The following NUP54 variants were observed in gnomAD, a reference collection of about 807,000 sequenced individuals.
NUP54 encodes nucleoporin p54.
Under a neutral mutation model 66.4 loss-of-function variants are expected in NUP54, and 27 were observed. That is an observed-to-expected ratio of 0.41 (90% CI 0.30 to 0.56). NUP54 has a LOEUF of 0.56. NUP54 is among the 20% of genes least tolerant of loss of function. The pLI is 0.34. For missense variants in NUP54, 486 were observed against 596.3 expected, an observed-to-expected ratio of 0.82 and a Z score of 1.93; for synonymous variants, 206 against 210.7, an observed-to-expected ratio of 0.98 and a Z score of 0.19.
chr4:76,139,750 C>T (rs58695482), intron 3 of NUP54, among the ~76,000 whole-genome samples: 21,232 of 152,022 alleles, frequency 0.14, 1,649 homozygotes, highest in East Asian at 0.35. Context: ...TGAAATGACA[C>T]GCTTGGGATT....
chr4:76,141,519 A>G (rs1250670546), intron 3 of NUP54, among the ~76,000 whole-genome samples: 1 of 152,164 alleles, frequency 6.6e-6, no homozygotes, highest in East Asian at 1.9e-4. Context: ...CAGAAGCCCA[A>G]GATACCTTTA....
Position 76,118,084 on chromosome 4 carries a change from A to G in NUP54, c.1275T>C (p.Thr425=), listed in dbSNP as rs1730034442. The G allele has an allele frequency of 4.3e-6, 7 of 1,614,098 alleles. No homozygotes were observed. Among genetic ancestry groups the G allele is most frequent in the Non-Finnish European group, 5.9e-6 (7 of 1,179,964 alleles). ...DTIQGELNAP[T]QFKGRLNELM... ...TCTTAGAAGTGGTTACCTTGAACTG[A>G]GTAGGTGCATTTAGTTCACCCTGAA... Residue 425 remains threonine (T), a synonymous_variant, in exon 10 of 12, where the codon ACT becomes ACC. Coordinates refer to ENST00000264883, the MANE Select transcript of NUP54 (RefSeq NM_017426.4).
At position 76,124,016 on chromosome 4, in the gene NUP54, T is replaced by C. The variant is rs187180139; in HGVS notation, c.1164+633A>G. Among the ~76,000 whole-genome samples the C allele has an allele frequency of 3.0e-3, 454 of 152,306 alleles. 3 individuals carry two copies. Among genetic ancestry groups the C allele is most frequent in the African/African-American group, 0.01 (424 of 41,574 alleles). ...TAGTCTTTCACTAATTTCACATTTA[T>C]CTTTCTTTCTTTTTAGTTTCTTTTG... is the stretch of plus-strand genomic sequence containing the variant. On this transcript the variant is annotated intron_variant, in intron 9 of 11. Coordinates refer to ENST00000264883, the MANE Select transcript of NUP54 (RefSeq NM_017426.4).
chr4:76,131,885 G>A (rs975889821), intron 6 of NUP54, among the ~76,000 whole-genome samples: 4 of 152,054 alleles, frequency 2.6e-5, no homozygotes, highest in African/African-American at 9.7e-5. Flanking sequence ...ACAACTTAGA[G>A]GTGTTAAGTA....
At chr4:76,134,470 C>G (rs375409817) in intron 4 of NUP54, 108 bp from the exon 5 acceptor site, 5 of 891,004 alleles carry the variant, frequency 5.6e-6, no homozygotes, top group Middle Eastern at 3.3e-4. Flanking sequence ...AACTTAATGT[C>G]TGGTAATTAA....
chr4:76,124,924 C>A (rs559239732), intron 8 of NUP54, among the ~76,000 whole-genome samples, 168 bp from the exon 9 acceptor site: 1 of 152,136 alleles, frequency 6.6e-6, no homozygotes, highest in South Asian at 2.1e-4. Context: ...TTTTTACATA[C>A]CTAAAATTTT....
At chr4:76,125,556 G>A (rs1048311888) in intron 8 of NUP54, among the ~76,000 whole-genome samples, 3 of 141,408 alleles carry the variant, frequency 2.1e-5, no homozygotes, top group South Asian at 2.3e-4. Context: ...GATCACTTGA[G>A]CCCAGGAGTT....
intron 5 of NUP54, 141 bp from the exon 6 acceptor site, chr4:76,132,860 CTTTTTT>C: frequency 1.9e-6 from 1 of 516,416 alleles, no homozygotes; most frequent in Non-Finnish European, 3.3e-6. Flanking sequence ...AAAATGTTTC[CTTTTTT>C]TTTTTTTTTG....
At chr4:76,130,166 C>T (rs1377208724) in intron 8 of NUP54, among the ~76,000 whole-genome samples, 1 of 151,408 alleles carries the variant, frequency 6.6e-6, no homozygotes, top group African/African-American at 2.4e-5. Flanking sequence ...TTTTTTAGTA[C>T]AGACCAGGTT....
chr4:76,127,738 G>A (rs1043464550), intron 8 of NUP54, among the ~76,000 whole-genome samples: 1 of 151,938 alleles, frequency 6.6e-6, no homozygotes, highest in African/African-American at 2.4e-5. Context: ...GAAACTAGAA[G>A]ATATTTACAA....
chr4:76,125,685 AGGG>A (rs1730474578), intron 8 of NUP54, among the ~76,000 whole-genome samples: 1 of 21,598 alleles, frequency 4.6e-5, no homozygotes, highest in Non-Finnish European at 8.4e-5. Flanking sequence ...AGAGAGGGAG[AGGG>A]AGAGAGGGAG....
In NUP54 at chr4:76,144,560, C is replaced by G. The variant is rs1731406892; in HGVS notation, c.68-87G>C. On this transcript the variant is annotated intron_variant, in intron 1 of 11. Transcript: ENST00000264883. ...TTTTAAAATTATTTTATAATTGCTA[C>G]ATATAAAATCAAAATATATTGATCT... The G allele has an allele frequency of 8.4e-6, 8 of 950,472 alleles. No individual in the cohort carries two copies. In the South Asian group the frequency reaches 1.3e-4, roughly 15 times the overall value. The allele number at this position is 950,472 out of a possible 1,614,324, so 58.9% of individuals were successfully genotyped here.
intron 6 of NUP54, 59 bp downstream of exon 6, chr4:76,132,464 G>A (rs1730843700): frequency 7.7e-7 from 1 of 1,292,872 alleles, no homozygotes; most frequent in Admixed American, 2.5e-5. Context: ...CTGAAATACG[G>A]GGAGTGTTTA....
intron 11 of NUP54, among the ~76,000 whole-genome samples, chr4:76,117,290 G>A (rs1729990025): frequency 1.3e-5 from 2 of 152,148 alleles, no homozygotes; most frequent in African/African-American, 2.4e-5. Flanking sequence ...TCCATTGTGT[G>A]TCTATATACT....
chr4:76,128,060 C>G (rs1730618415), intron 8 of NUP54, among the ~76,000 whole-genome samples: 1 of 152,146 alleles, frequency 6.6e-6, no homozygotes, highest in Admixed American at 6.5e-5. Flanking sequence ...AACCCAGCCT[C>G]AAACCTGGAA....
At chr4:76,137,661 A>C (rs555153729) in intron 3 of NUP54, among the ~76,000 whole-genome samples, 24 of 146,898 alleles carry the variant, frequency 1.6e-4, no homozygotes, top group African/African-American at 5.6e-4. Flanking sequence ...TGGGATACCA[A>C]TTTCTCTAAT....
chr4:76,122,060 G>T (rs41498548), intron 9 of NUP54, among the ~76,000 whole-genome samples: 20,018 of 152,048 alleles, frequency 0.13, 1,543 homozygotes, highest in East Asian at 0.35. Flanking sequence ...TTTGCCTTTT[G>T]GAGTATTTGC....
intron 8 of NUP54, among the ~76,000 whole-genome samples, chr4:76,130,323 TTA>T (rs1470658024): frequency 1.3e-5 from 2 of 152,142 alleles, no homozygotes; most frequent in African/African-American, 2.4e-5. Context: ...ACCAAGACAA[TTA>T]TATGTCAACA....
Position 76,128,360 on chromosome 4 carries a change from T to C in NUP54, c.1056+2296A>G, listed in dbSNP as rs1730632602. Among the ~76,000 whole-genome samples the C allele has an allele frequency of 2.7e-5, 4 of 145,556 alleles. No individual in the cohort carries two copies. The South Asian group carries it at 6.5e-4, about 24-fold the overall frequency. ...ACAAGCCACTACTAAGAAGTACTGC[T>C]CTAAGACTTGAAATAATAGATTAAA... On this transcript the variant is annotated intron_variant, in intron 8 of 11. Transcript: ENST00000264883.
Sources: allele counts gnomAD v4.1 joint callset (sites outside exome capture counted in the v4.1 genomes callset), GRCh38; gene constraint gnomAD v4.1.1; transcripts MANE v1.5; gene names NCBI Gene and HGNC (gene_info 2026-07-23, HGNC 2026-07-21).